TNR: variants seen among roughly 807,000 people sequenced by gnomAD.
The protein encoded by TNR is tenascin-R.
In TNR, 45 loss-of-function variants were observed where a neutral mutation model predicts 150.4. The observed-to-expected ratio is 0.30, with a 90% CI of 0.24 to 0.38. The LOEUF (loss-of-function observed/expected upper bound fraction) is 0.38. TNR is among the 10% of genes least tolerant of loss of function. The probability of loss-of-function intolerance (pLI) is 1.00; values close to 1 mark genes in which losing one functional copy is unlikely to be tolerated. For synonymous variants in TNR, 687 were observed against 678.4 expected, an observed-to-expected ratio of 1.01 and a Z score of -0.20; for missense variants, 1,544 against 1,759.1, an observed-to-expected ratio of 0.88 and a Z score of 2.19.
Position 175,671,911 on chromosome 1 carries a change from C to CTGTGTGTGTGTG in TNR, c.-165+71303_-165+71314dup, listed in dbSNP as rs35804880. 9.2e-3 allele frequency among the ~76,000 whole-genome samples: 1,312 copies of CTGTGTGTGTGTG among 142,098 alleles called. 19 individuals carry two copies. The highest frequency in any genetic ancestry group is 0.03 in the African/African-American group (1,120 of 37,648). The allele number at this position is 142,098 out of a possible 152,430, so 93.2% of individuals were successfully genotyped here. On this transcript the variant is annotated intron_variant, in intron 1 of 22. Transcript: ENST00000367674. The stretch of plus-strand genomic sequence containing the variant: ...TCCAAGGGAGTCTTATGAGCTGTAC[C>CTGTGTGTGTGTG]TGTGTGTGTGTGTGTGTGTGTGTGT...
intron 1 of TNR, among the ~76,000 whole-genome samples, chr1:175,733,742 A>C (rs1194584374): frequency 6.6e-6 from 1 of 151,974 alleles, no homozygotes; most frequent in Non-Finnish European, 1.5e-5. Flanking sequence ...CCTCCAGAAC[A>C]TCTCACCTGG....
intron 2 of TNR, among the ~76,000 whole-genome samples, chr1:175,451,685 G>A (rs945121072): frequency 2.0e-5 from 3 of 152,202 alleles, no homozygotes; most frequent in African/African-American, 7.2e-5. Context: ...GCCCTTTATG[G>A]AGCCCGTCTA....
intron 2 of TNR, among the ~76,000 whole-genome samples, chr1:175,449,379 A>G (rs1656206139): frequency 6.6e-6 from 1 of 152,176 alleles, no homozygotes; most frequent in Non-Finnish European, 1.5e-5. Context: ...GGCTCTGAGT[A>G]TCTCAAGGGT....
chr1:175,358,358 G>T (rs151132014), intron 15 of TNR, among the ~76,000 whole-genome samples: 1 of 152,196 alleles, frequency 6.6e-6, no homozygotes, highest in African/African-American at 2.4e-5. Context: ...AAATACAAAT[G>T]TACTAGCAGG....
At chr1:175,525,094 T>C (rs859359) in intron 2 of TNR, among the ~76,000 whole-genome samples, 32,061 of 152,132 alleles carry the variant, frequency 0.21, 3,916 homozygotes, top group African/African-American at 0.33. Context: ...TACCTCTATG[T>C]TGCTATTCTC....
intron 2 of TNR, among the ~76,000 whole-genome samples, chr1:175,421,115 A>G (rs890746386): frequency 3.3e-5 from 5 of 152,170 alleles, no homozygotes; most frequent in Admixed American, 6.5e-5. Flanking sequence ...TCCAAGCAGC[A>G]GAGCTGGACA....
intron 8 of TNR, among the ~76,000 whole-genome samples, 163 bp downstream of exon 8, chr1:175,385,869 G>T (rs1447534683): frequency 6.6e-6 from 1 of 152,188 alleles, no homozygotes; most frequent in African/African-American, 2.4e-5. Context: ...TGCTTTTCCT[G>T]TATGCTGGAA....
At chr1:175,446,123 C>G (rs1027182028) in intron 2 of TNR, among the ~76,000 whole-genome samples, 5 of 152,070 alleles carry the variant, frequency 3.3e-5, no homozygotes, top group Admixed American at 1.3e-4. Flanking sequence ...TTTTCTGATT[C>G]CGAGAGGAGG....
intron 14 of TNR, among the ~76,000 whole-genome samples, chr1:175,362,272 T>C (rs1202487827): frequency 2.0e-5 from 3 of 152,242 alleles, no homozygotes; most frequent in African/African-American, 4.8e-5. Flanking sequence ...ATGAATTTCA[T>C]GACCCCATTC....
chr1:175,578,855 G>A (rs1040358027), intron 1 of TNR, among the ~76,000 whole-genome samples: 5 of 152,176 alleles, frequency 3.3e-5, no homozygotes, highest in African/African-American at 9.7e-5. Context: ...GCTGGAGCAG[G>A]TGAGGGTGGT....
At chr1:175,733,262 A>T (rs989624905) in intron 1 of TNR, among the ~76,000 whole-genome samples, 3 of 152,346 alleles carry the variant, frequency 2.0e-5, no homozygotes, top group Middle Eastern at 6.8e-3. Flanking sequence ...GAGTTAGTGA[A>T]TGTCAGTTGT....
intron 1 of TNR, among the ~76,000 whole-genome samples, chr1:175,558,498 T>C (rs1661282200): frequency 6.6e-6 from 1 of 152,200 alleles, no homozygotes; most frequent in Non-Finnish European, 1.5e-5. Context: ...TTTTCCAAAA[T>C]GAGTGCATTA....
At chr1:175,539,941 G>A (rs145825287) in intron 1 of TNR, among the ~76,000 whole-genome samples, 42 of 152,258 alleles carry the variant, frequency 2.8e-4, no homozygotes, top group African/African-American at 1.0e-3. Flanking sequence ...TGCCATGGAA[G>A]ACATCAAAAG....
chr1:175,683,471 A>C (rs946974945), intron 1 of TNR, among the ~76,000 whole-genome samples: 1 of 152,172 alleles, frequency 6.6e-6, no homozygotes, highest in African/African-American at 2.4e-5. Flanking sequence ...TTCTCCAAAA[A>C]AGGCTCTGAA....
chr1:175,576,564 A>G (rs1172538347), intron 1 of TNR, among the ~76,000 whole-genome samples: 1 of 152,108 alleles, frequency 6.6e-6, no homozygotes, highest in Non-Finnish European at 1.5e-5. Flanking sequence ...GCCCCTAGGA[A>G]TTTATCCTTA....
At position 175,325,718 on chromosome 1, in the gene TNR, G is replaced by T. The variant is rs112308364; in HGVS notation, c.3794-1199C>A. On this transcript the variant is annotated intron_variant, in intron 21 of 22. Coordinates refer to ENST00000367674, the MANE Select transcript of TNR (RefSeq NM_003285.3). The stretch of plus-strand genomic sequence containing the variant: ...AAAGAATGAGTTCATGTCCTTTGCA[G>T]GGACATGGATGAAGCTGGAAACCAT... Among the ~76,000 whole-genome samples, 1,194 of 152,300 alleles carry T rather than the reference G, an allele frequency of 7.8e-3. 15 individuals carry two copies. The highest frequency in any genetic ancestry group is 0.025 in the African/African-American group (1,048 of 41,558).
At chr1:175,518,577 G>A (rs1374007021) in intron 2 of TNR, among the ~76,000 whole-genome samples, 2 of 152,110 alleles carry the variant, frequency 1.3e-5, no homozygotes, top group South Asian at 4.1e-4. Flanking sequence ...GTCACCCACA[G>A]CTCTAGTTGT....
chr1:175,722,744 G>A (rs1037278458), intron 1 of TNR, among the ~76,000 whole-genome samples: 15 of 151,246 alleles, frequency 9.9e-5, no homozygotes, highest in African/African-American at 3.7e-4. Flanking sequence ...GGGGATTACA[G>A]GCATGAGCCA....
intron 13 of TNR, among the ~76,000 whole-genome samples, 190 bp downstream of exon 13, chr1:175,363,518 G>A (rs1390882206): frequency 1.3e-5 from 2 of 152,156 alleles, no homozygotes; most frequent in African/African-American, 4.8e-5. Context: ...ATGTAATCAA[G>A]CCTTTCTCAA....
Sources: gnomAD v4.1 joint callset for allele counts (sites outside exome capture counted in the v4.1 genomes callset) on GRCh38, gnomAD v4.1.1 for gene constraint, MANE v1.5 for transcripts, NCBI Gene and HGNC (gene_info 2026-07-23, HGNC 2026-07-21) for gene names.